The following GPM6A variants were observed in gnomAD, a reference collection of about 807,000 sequenced individuals.
GPM6A encodes glycoprotein M6A.
Under a neutral mutation model 32.1 loss-of-function variants are expected in GPM6A, and 7 were observed. The ratio of observed to expected loss-of-function variants is 0.22; its 90% CI spans 0.12 to 0.41. The LOEUF (loss-of-function observed/expected upper bound fraction) is 0.41, where lower values mean the gene tolerates loss of function less well. GPM6A is among the 10% of genes least tolerant of loss of function. GPM6A has a pLI of 1.00. For synonymous variants in GPM6A, 130 were observed against 123.4 expected (o/e 1.05, Z -0.35); for missense variants, 235 against 347.2 (o/e 0.68, Z 2.57).
intron 1 of GPM6A, among the ~76,000 whole-genome samples, chr4:175,927,557 T>C (rs948760992): frequency 7.9e-5 from 12 of 152,242 alleles, no homozygotes; most frequent in African/African-American, 2.9e-4. Flanking sequence ...TTGTTCATAG[T>C]TAGCTCTACT....
At chr4:175,636,258 C>CTATA (rs1553967457) in intron 6 of GPM6A, among the ~76,000 whole-genome samples, 1 of 34,096 alleles carries the variant, frequency 2.9e-5, no homozygotes, top group Non-Finnish European at 7.3e-5. Flanking sequence ...AGCATAATCA[C>CTATA]TGTATATATA....
chr4:175,723,136 C>T (rs554640298), intron 1 of GPM6A, among the ~76,000 whole-genome samples: 20 of 152,264 alleles, frequency 1.3e-4, no homozygotes, highest in African/African-American at 4.1e-4. Context: ...TTTTTAGTTA[C>T]AAAAGCTATA....
At chr4:175,644,109 A>G (rs1579333732) in intron 4 of GPM6A, among the ~76,000 whole-genome samples, 1 of 143,104 alleles carries the variant, frequency 7.0e-6, no homozygotes, top group South Asian at 2.2e-4. Context: ...CTGCTCTAAA[A>G]CTTTTCCGTT....
chr4:175,976,538 T>C (rs1254684182), intron 1 of GPM6A, among the ~76,000 whole-genome samples: 1 of 152,092 alleles, frequency 6.6e-6, no homozygotes, highest in East Asian at 1.9e-4. Flanking sequence ...AATAGCTAAA[T>C]AAACATAATA....
intron 1 of GPM6A, among the ~76,000 whole-genome samples, chr4:175,719,183 C>G (rs1422580618): frequency 2.7e-5 from 4 of 148,860 alleles, no homozygotes; most frequent in Non-Finnish European, 5.9e-5. Context: ...TACAACATAC[C>G]GAAATTGGGT....
intron 1 of GPM6A, among the ~76,000 whole-genome samples, chr4:175,753,816 A>G (rs547123096): frequency 3.8e-4 from 58 of 152,242 alleles, no homozygotes; most frequent in African/African-American, 1.3e-3. Context: ...GTTACTTTGT[A>G]AGGACCTATG....
chr4:175,869,781 C>CA (rs916864929), intron 1 of GPM6A, among the ~76,000 whole-genome samples: 30 of 66,500 alleles, frequency 4.5e-4, no homozygotes, highest in East Asian at 3.2e-3. Context: ...CAAAAACAAA[C>CA]AAAAAAAAAT....
In GPM6A at chr4:175,929,224, T is replaced by C. The variant is rs143559211; in HGVS notation, c.-23+73085A>G. Among the ~76,000 whole-genome samples, 310 of 152,304 alleles carry C rather than the reference T, an allele frequency of 2.0e-3. 2 individuals carry two copies. The highest frequency in any genetic ancestry group is 6.9e-3 in the African/African-American group (285 of 41,558). ...GCTTCAATTTTAGAACTCTAATTAC[T>C]TTTTTCTGTATTTAAACACTTTCAT... is the stretch of plus-strand genomic sequence containing the variant. On this transcript the variant is annotated intron_variant, in intron 1 of 7. Coordinates refer to the GPM6A transcript ENST00000280187.
intron 1 of GPM6A, among the ~76,000 whole-genome samples, chr4:175,724,548 A>T (rs1207795682): frequency 6.6e-6 from 1 of 152,256 alleles, no homozygotes; most frequent in East Asian, 1.9e-4. Context: ...CCATCTCAAA[A>T]AAAAAATTTT....
chr4:175,917,563 G>C (rs959513762), intron 1 of GPM6A, among the ~76,000 whole-genome samples: 1 of 152,170 alleles, frequency 6.6e-6, no homozygotes, highest in African/African-American at 2.4e-5. Context: ...GTCCATGTAC[G>C]TTACCATAGT....
At chr4:175,774,939 TTG>T (rs1211737942) in intron 1 of GPM6A, among the ~76,000 whole-genome samples, 1 of 151,946 alleles carries the variant, frequency 6.6e-6, no homozygotes, top group African/African-American at 2.4e-5. Flanking sequence ...AAAATAATTT[TTG>T]TTTCTAAATA....
intron 2 of GPM6A, among the ~76,000 whole-genome samples, chr4:175,701,037 GA>G (rs975607629): frequency 2.0e-5 from 3 of 151,768 alleles, no homozygotes; most frequent in African/African-American, 4.8e-5. Context: ...ATTGGTGTTT[GA>G]AAAAAAAGGT....
At chr4:175,679,537 A>G (rs1288046206) in intron 2 of GPM6A, among the ~76,000 whole-genome samples, 1 of 152,244 alleles carries the variant, frequency 6.6e-6, no homozygotes, top group Admixed American at 6.5e-5. Context: ...CTTCTCCCCA[A>G]TGTTAGCACC....
At chr4:175,637,777 A>G (rs533090700) in intron 6 of GPM6A, among the ~76,000 whole-genome samples, 2,938 of 80,746 alleles carry the variant, frequency 0.036, 64 homozygotes, top group South Asian at 0.066. Context: ...TATATAATCT[A>G]TATATAATAT....
At chr4:175,798,856 T>C (rs1267630247) in intron 1 of GPM6A, among the ~76,000 whole-genome samples, 1 of 151,864 alleles carries the variant, frequency 6.6e-6, no homozygotes, top group Non-Finnish European at 1.5e-5. Context: ...AGGAAAGCAA[T>C]TTTACCAAGG....
At chr4:175,824,872 C>G (rs886888828) in intron 1 of GPM6A, among the ~76,000 whole-genome samples, 29 of 152,158 alleles carry the variant, frequency 1.9e-4, no homozygotes, top group African/African-American at 6.5e-4. Flanking sequence ...TACGAGGAAG[C>G]AAAATTTGAA....
At chr4:175,908,197 A>T (rs892972727) in intron 1 of GPM6A, among the ~76,000 whole-genome samples, 1 of 152,206 alleles carries the variant, frequency 6.6e-6, no homozygotes, top group Non-Finnish European at 1.5e-5. Context: ...ATAATTTTTT[A>T]AAATGCAATC....
intron 1 of GPM6A, among the ~76,000 whole-genome samples, chr4:175,903,914 C>T (rs976018290): frequency 1.3e-4 from 20 of 152,132 alleles, no homozygotes; most frequent in African/African-American, 3.9e-4. Flanking sequence ...CAATATCACA[C>T]GCCAAAATGG....
At chr4:175,778,627 C>CAAAAAAAAAAAAAAAAAAAAAAA (rs34286041) in intron 1 of GPM6A, among the ~76,000 whole-genome samples, 2 of 75,202 alleles carry the variant, frequency 2.7e-5, no homozygotes, top group African/African-American at 5.1e-5. Flanking sequence ...CTGTATCCAA[C>CAAAAAAAAAAAAAAAAAAAAAAA]AAAAAAAAAA....
Sources: gnomAD v4.1 joint callset for allele counts (sites outside exome capture counted in the v4.1 genomes callset) on GRCh38, gnomAD v4.1.1 for gene constraint, MANE v1.5 for transcripts, NCBI Gene and HGNC (gene_info 2026-07-23, HGNC 2026-07-21) for gene names.